Variants in PRKG1 observed in about 807,000 individuals in gnomAD.
PRKG1 encodes the protein protein kinase cGMP-dependent 1.
PRKG1 carries 35 observed loss-of-function variants against 88.1 expected under a neutral mutation model. The observed-to-expected ratio is 0.40, with a 90% CI of 0.30 to 0.53. The LOEUF is 0.53. Among genes scored for constraint, PRKG1 ranks in the 20% least tolerant of loss-of-function variants. PRKG1 has a pLI of 0.59. For missense variants in PRKG1, 540 were observed against 839.8 expected, an observed-to-expected ratio of 0.64 and a Z score of 4.41; for synonymous variants, 303 against 292.5, an observed-to-expected ratio of 1.04 and a Z score of -0.37.
At chr10:51,830,876 A>G (rs1839990249) in intron 4 of PRKG1, among the ~76,000 whole-genome samples, 2 of 152,040 alleles carry the variant, frequency 1.3e-5, no homozygotes, top group Admixed American at 6.6e-5. Context: ...GTGATTTATA[A>G]AAAGCTGTTT....
At chr10:52,131,305 A>T (rs1837250974) in intron 7 of PRKG1, among the ~76,000 whole-genome samples, 2 of 152,190 alleles carry the variant, frequency 1.3e-5, no homozygotes, top group African/African-American at 4.8e-5. Flanking sequence ...TGACTACATA[A>T]ATACACGTAT....
intron 1 of PRKG1, among the ~76,000 whole-genome samples, chr10:50,993,794 G>T (rs923326896): frequency 6.6e-6 from 1 of 152,220 alleles, no homozygotes; most frequent in Non-Finnish European, 1.5e-5. Flanking sequence ...AAAGAGGCAA[G>T]AAATCTCTAA....
chr10:51,898,702 A>G (rs1291220939), intron 4 of PRKG1, among the ~76,000 whole-genome samples: 1 of 152,122 alleles, frequency 6.6e-6, no homozygotes, highest in East Asian at 1.9e-4. Flanking sequence ...CTGTAGTCCT[A>G]ACTACTCAGG....
chr10:51,743,706 A>T lies in PRKG1; in HGVS notation c.593-60879A>T, dbSNP rs1476283267. The stretch of plus-strand genomic sequence containing the variant: ...TATAATTTATTATATATATAATATA[A>T]ACTAAATATATATATATATAATATA... On this transcript the variant is annotated intron_variant, in intron 3 of 17. Transcript: ENST00000373980. Among the ~76,000 whole-genome samples the T allele has an allele frequency of 9.5e-4, 110 of 115,486 alleles. 1 individual carries two copies. Among genetic ancestry groups the T allele is most frequent in the African/African-American group, 3.8e-3 (103 of 27,270 alleles). 75.8% of individuals were successfully genotyped at this position (115,486 alleles called of 152,430 possible).
intron 17 of PRKG1, among the ~76,000 whole-genome samples, chr10:52,293,060 A>C (rs957347414): frequency 4.0e-5 from 6 of 151,858 alleles, no homozygotes; most frequent in African/African-American, 1.5e-4. Context: ...AACTTCAGCA[A>C]AGTCTCAGGA....
intron 3 of PRKG1, among the ~76,000 whole-genome samples, chr10:51,470,811 G>A (rs923602490): frequency 4.0e-5 from 6 of 151,866 alleles, no homozygotes; most frequent in Non-Finnish European, 7.4e-5. Context: ...TGTTCATAGT[G>A]ATCCAACAGA....
chr10:51,802,656 C>G (rs1038176007), intron 3 of PRKG1, among the ~76,000 whole-genome samples: 1 of 151,984 alleles, frequency 6.6e-6, no homozygotes, highest in Non-Finnish European at 1.5e-5. Flanking sequence ...GAGACAGGGA[C>G]TTTTCTCTGA....
intron 6 of PRKG1, among the ~76,000 whole-genome samples, chr10:52,057,307 C>A (rs140535326): frequency 6.6e-6 from 1 of 152,128 alleles, no homozygotes; most frequent in Non-Finnish European, 1.5e-5. Flanking sequence ...CCCCATTAAG[C>A]CTGTGCTATC....
At chr10:51,540,555 C>G (rs1161833832) in intron 3 of PRKG1, among the ~76,000 whole-genome samples, 1 of 152,086 alleles carries the variant, frequency 6.6e-6, no homozygotes, top group Non-Finnish European at 1.5e-5. Flanking sequence ...CATATAATTA[C>G]AGATCTATTC....
chr10:51,334,999 C>CTTTTTT (rs918622780), intron 2 of PRKG1, among the ~76,000 whole-genome samples: 50 of 78,758 alleles, frequency 6.3e-4, no homozygotes, highest in African/African-American at 1.1e-3. Flanking sequence ...TGTCAGGTTT[C>CTTTTTT]TTTTTTTTTT....
intron 3 of PRKG1, among the ~76,000 whole-genome samples, chr10:51,749,141 T>C (rs1837654431): frequency 6.6e-6 from 1 of 152,178 alleles, no homozygotes; most frequent in African/African-American, 2.4e-5. Flanking sequence ...ATACACTACA[T>C]TGTTGACATT....
intron 2 of PRKG1, among the ~76,000 whole-genome samples, chr10:51,269,749 C>T (rs1333602909): frequency 1.3e-5 from 2 of 152,112 alleles, no homozygotes; most frequent in African/African-American, 4.8e-5. Context: ...TAAAAGACTA[C>T]GTGTTGGGTA....
At chr10:51,526,051 T>A (rs531200692) in intron 3 of PRKG1, among the ~76,000 whole-genome samples, 35 of 152,182 alleles carry the variant, frequency 2.3e-4, no homozygotes, top group African/African-American at 7.9e-4. Flanking sequence ...AACTCCTGAC[T>A]TCAGATGATC....
intron 5 of PRKG1, among the ~76,000 whole-genome samples, chr10:52,031,619 CTAAT>C (rs1845476411): frequency 6.6e-6 from 1 of 152,040 alleles, no homozygotes; most frequent in Non-Finnish European, 1.5e-5. Flanking sequence ...AATGTAAATT[CTAAT>C]TAATTCAATT....
intron 3 of PRKG1, among the ~76,000 whole-genome samples, chr10:51,743,117 G>A (rs1043661145): frequency 6.6e-6 from 1 of 151,962 alleles, no homozygotes; most frequent in Non-Finnish European, 1.5e-5. Flanking sequence ...GGAAAACCAC[G>A]GCACACACAG....
At chr10:51,238,224 T>C (rs1215847162) in intron 2 of PRKG1, among the ~76,000 whole-genome samples, 1 of 152,294 alleles carries the variant, frequency 6.6e-6, no homozygotes, top group Admixed American at 6.5e-5. Flanking sequence ...TCATAAAATG[T>C]TGGTGGGCAT....
At chr10:51,165,135 G>A (rs564566743) in intron 2 of PRKG1, among the ~76,000 whole-genome samples, 5 of 152,154 alleles carry the variant, frequency 3.3e-5, no homozygotes, top group Non-Finnish European at 7.3e-5. Context: ...AAAGTGTTAA[G>A]GGCAGCCAGA....
At chr10:51,878,969 C>G (rs1841370128) in intron 4 of PRKG1, among the ~76,000 whole-genome samples, 1 of 152,194 alleles carries the variant, frequency 6.6e-6, no homozygotes, top group South Asian at 2.1e-4. Context: ...TGCCAGCTTT[C>G]CCACACAGAG....
At chr10:51,313,318 T>G (rs143226203) in intron 2 of PRKG1, among the ~76,000 whole-genome samples, 1 of 152,236 alleles carries the variant, frequency 6.6e-6, no homozygotes, top group East Asian at 1.9e-4. Context: ...CCTTTCTAGA[T>G]GAGTAAAGAG....
Sources: allele counts gnomAD v4.1 joint callset (sites outside exome capture counted in the v4.1 genomes callset), GRCh38; gene constraint gnomAD v4.1.1; transcripts MANE v1.5; gene names NCBI Gene and HGNC (gene_info 2026-07-23, HGNC 2026-07-21).